The following CDH13 variants were observed in gnomAD, a reference collection of about 807,000 sequenced individuals.
The protein encoded by CDH13 is cadherin 13.
In CDH13, 24 loss-of-function variants were observed where a neutral mutation model predicts 63.8. That is an observed-to-expected ratio of 0.38 (90% confidence interval 0.27 to 0.53). The LOEUF (loss-of-function observed/expected upper bound fraction) is 0.53, where lower values mean the gene tolerates loss of function less well. Ranked by LOEUF, CDH13 falls within the 20% of genes least tolerant of loss-of-function variation. The probability of loss-of-function intolerance (pLI) is 0.85; values close to 1 mark genes in which losing one functional copy is unlikely to be tolerated. For synonymous variants in CDH13, 503 were observed against 355.3 expected (o/e 1.42, Z -4.67); for missense variants, 1,049 against 903.1 (o/e 1.16, Z -2.07).
At position 83,608,815 on chromosome 16, in the gene CDH13, G is replaced by T. The variant is rs542402267; in HGVS notation, c.1101+6221G>T. On this transcript the variant is annotated intron_variant, in intron 8 of 13. Coordinates refer to ENST00000567109, the MANE Select transcript of CDH13 (RefSeq NM_001257.5). ...GAGCCACTGTGCCCAGCCAGTATTCGCATTTTTAATTAAAATATTGTGTTA... is the reference window on the plus strand; with the variant it reads ...GAGCCACTGTGCCCAGCCAGTATTCTCATTTTTAATTAAAATATTGTGTTA... Among the ~76,000 whole-genome samples the T allele has an allele frequency of 3.9e-5, 6 of 151,920 alleles. No individual in the cohort carries two copies. In the South Asian group the frequency reaches 8.3e-4, roughly 21 times the overall value.
At chr16:82,833,675 G>A (rs1567581976) in intron 1 of CDH13, among the ~76,000 whole-genome samples, 1 of 152,150 alleles carries the variant, frequency 6.6e-6, no homozygotes, top group South Asian at 2.1e-4. Flanking sequence ...TGTCAACCTA[G>A]TGACTTCATG....
At chr16:83,421,074 A>C (rs2071700823) in intron 6 of CDH13, among the ~76,000 whole-genome samples, 1 of 152,182 alleles carries the variant, frequency 6.6e-6, no homozygotes. Flanking sequence ...TAAGTGGATA[A>C]GATTAATAAG....
chr16:83,506,296 G>A (rs1435862635), intron 7 of CDH13, among the ~76,000 whole-genome samples: 2 of 152,140 alleles, frequency 1.3e-5, no homozygotes, highest in Non-Finnish European at 2.9e-5. Context: ...GTTGGGGAAT[G>A]GGGCAGTTCC....
At chr16:83,283,091 A>C (rs1449229320) in intron 5 of CDH13, among the ~76,000 whole-genome samples, 2 of 152,168 alleles carry the variant, frequency 1.3e-5, no homozygotes, top group Non-Finnish European at 2.9e-5. Context: ...TGCTCAATAA[A>C]TGTTGGTCCT....
At chr16:83,259,356 C>A (rs937216170) in intron 5 of CDH13, among the ~76,000 whole-genome samples, 4 of 152,118 alleles carry the variant, frequency 2.6e-5, no homozygotes, top group Non-Finnish European at 5.9e-5. Context: ...AGCGAGTCTT[C>A]CATAAAGGTT....
At chr16:83,283,545 T>G (rs1309685280) in intron 5 of CDH13, among the ~76,000 whole-genome samples, 4 of 152,146 alleles carry the variant, frequency 2.6e-5, no homozygotes, top group Non-Finnish European at 5.9e-5. Context: ...GAGCCAAGAT[T>G]GCGCTACTGC....
chr16:83,275,017 G>T (rs2088941764), intron 5 of CDH13, among the ~76,000 whole-genome samples: 1 of 152,068 alleles, frequency 6.6e-6, no homozygotes, highest in Non-Finnish European at 1.5e-5. Context: ...ATAGACACAT[G>T]CTTTATTTTT....
intron 5 of CDH13, among the ~76,000 whole-genome samples, chr16:83,225,009 C>G (rs762723699): frequency 2.0e-5 from 3 of 152,198 alleles, no homozygotes; most frequent in African/African-American, 4.8e-5. Context: ...TGGGCAGTTT[C>G]AAACTGTGGC....
At chr16:83,609,140 C>G (rs576795995) in intron 8 of CDH13, among the ~76,000 whole-genome samples, 88 of 152,240 alleles carry the variant, frequency 5.8e-4, no homozygotes, top group African/African-American at 2.0e-3. Context: ...CTATGCCAAG[C>G]TTGTTCAACT....
At chr16:83,497,718 A>G (rs531805271) in intron 7 of CDH13, among the ~76,000 whole-genome samples, 3 of 152,344 alleles carry the variant, frequency 2.0e-5, no homozygotes, top group South Asian at 2.1e-4. Flanking sequence ...TCATCAAAAC[A>G]TAGACAGCAG....
rs188604504 is a variant in CDH13, at chr16:83,027,517, G to C, written c.158-4493G>C. 4.9e-3 allele frequency among the ~76,000 whole-genome samples: 748 copies of C among 152,246 alleles called. 4 individuals carry two copies. Among genetic ancestry groups the C allele is most frequent in the Non-Finnish European group, 8.2e-3 (560 of 68,018 alleles). ...AGGGAGATGCAAGAGTGGGTGAGGT[G>C]TGAGCTATGCAGTGAAGACAAAGGC... is the stretch of plus-strand genomic sequence containing the variant. On this transcript the variant is annotated intron_variant, in intron 2 of 13. Coordinates refer to ENST00000567109, the MANE Select transcript of CDH13 (RefSeq NM_001257.5).
intron 2 of CDH13, 147 bp downstream of exon 2, chr16:82,858,620 A>G (rs967264330): frequency 2.8e-6 from 2 of 702,814 alleles, no homozygotes; most frequent in Admixed American, 4.1e-5. Context: ...CAAAGTGGAA[A>G]TTCTTGAATG....
intron 7 of CDH13, among the ~76,000 whole-genome samples, chr16:83,527,128 CT>C (rs1394881286): frequency 8.7e-5 from 9 of 103,934 alleles, no homozygotes; most frequent in African/African-American, 2.9e-4. Flanking sequence ...AAGACTCTGT[CT>C]CAAAAAAAAA....
At position 83,116,324 on chromosome 16, in the gene CDH13, G is replaced by A. The variant is rs545394690; in HGVS notation, c.367-9061G>A. 1.1e-3 allele frequency among the ~76,000 whole-genome samples: 164 copies of A among 152,300 alleles called. 1 individual carries two copies. Among genetic ancestry groups the A allele is most frequent in the African/African-American group, 3.9e-3 (161 of 41,578 alleles). ...CGGGGAGGGAGGTCAGGGGGATGGGGCGGGGAAGGAGGCTGATGGAGGAGT... is the reference window on the plus strand; with the variant it reads ...CGGGGAGGGAGGTCAGGGGGATGGGACGGGGAAGGAGGCTGATGGAGGAGT... On this transcript the variant is annotated intron_variant, in intron 3 of 13. Transcript: ENST00000567109.
At chr16:83,293,751 T>G (rs944660679) in intron 5 of CDH13, among the ~76,000 whole-genome samples, 3 of 152,130 alleles carry the variant, frequency 2.0e-5, no homozygotes, top group African/African-American at 4.8e-5. Context: ...ATGAACCGGG[T>G]TGGAAAGTAT....
At chr16:83,675,982 G>T (rs1475639911) in intron 9 of CDH13, among the ~76,000 whole-genome samples, 1 of 152,130 alleles carries the variant, frequency 6.6e-6, no homozygotes, top group East Asian at 1.9e-4. Flanking sequence ...GTATTCACTG[G>T]TGAAAGAAAT....
intron 7 of CDH13, among the ~76,000 whole-genome samples, chr16:83,553,442 C>T (rs1039961065): frequency 6.6e-6 from 1 of 152,176 alleles, no homozygotes; most frequent in Non-Finnish European, 1.5e-5. Flanking sequence ...ATATGTTTTT[C>T]TTATAACACT....
intron 5 of CDH13, among the ~76,000 whole-genome samples, chr16:83,290,889 C>A (rs76156032): frequency 0.014 from 2,146 of 152,138 alleles, 59 homozygotes; most frequent in African/African-American, 0.049. Context: ...ATGTTTTTTT[C>A]CCATCTCTAC....
chr16:83,280,879 T>A (rs953134391), intron 5 of CDH13, among the ~76,000 whole-genome samples: 6 of 152,224 alleles, frequency 3.9e-5, no homozygotes, highest in Non-Finnish European at 8.8e-5. Flanking sequence ...AAATGAACCT[T>A]TTTTTCCTGA....
Sources: gnomAD v4.1 joint callset for allele counts (sites outside exome capture counted in the v4.1 genomes callset) on GRCh38, gnomAD v4.1.1 for gene constraint, MANE v1.5 for transcripts, NCBI Gene and HGNC (gene_info 2026-07-23, HGNC 2026-07-21) for gene names.